The following CBLN2 variants were observed in gnomAD, a reference collection of about 807,000 sequenced individuals.
CBLN2 encodes the protein cerebellin 2 precursor.
CBLN2 carries 7 observed loss-of-function variants against 15.0 expected under a neutral mutation model. The ratio of observed to expected loss-of-function variants is 0.47; its 90% CI spans 0.27 to 0.88. The LOEUF (loss-of-function observed/expected upper bound fraction) is 0.88. Among genes scored for constraint, CBLN2 ranks in the 40% least tolerant of loss-of-function variants. The pLI is 0.14. For missense variants in CBLN2, 242 were observed against 304.5 expected, an observed-to-expected ratio of 0.79 and a Z score of 1.53; for synonymous variants, 149 against 135.2, an observed-to-expected ratio of 1.10 and a Z score of -0.71.
intron 1 of CBLN2, among the ~76,000 whole-genome samples, chr18:72,633,401 A>G (rs1012755257): frequency 6.6e-6 from 1 of 152,150 alleles, no homozygotes; most frequent in Non-Finnish European, 1.5e-5. Context: ...ACACGGCTAC[A>G]TTTGTTACTT....
chr18:72,621,405 A>G (rs1444537135), intron 1 of CBLN2, among the ~76,000 whole-genome samples: 1 of 152,198 alleles, frequency 6.6e-6, no homozygotes, highest in Non-Finnish European at 1.5e-5. Flanking sequence ...AGATTAGTAT[A>G]TGTAATATCT....
At chr18:72,624,801 A>G (rs2069724133) in intron 1 of CBLN2, among the ~76,000 whole-genome samples, 1 of 152,178 alleles carries the variant, frequency 6.6e-6, no homozygotes, top group African/African-American at 2.4e-5. Flanking sequence ...TTAGTGCTCA[A>G]TGCACCTTGC....
At chr18:72,601,179 C>A (rs1284046185) in intron 1 of CBLN2, among the ~76,000 whole-genome samples, 1 of 152,132 alleles carries the variant, frequency 6.6e-6, no homozygotes, top group Admixed American at 6.5e-5. Context: ...CTATTATCAT[C>A]CTTGCTTTAA....
chr18:72,607,822 G>A (rs573941292), intron 1 of CBLN2, among the ~76,000 whole-genome samples: 55 of 151,884 alleles, frequency 3.6e-4, no homozygotes, highest in African/African-American at 1.3e-3. Context: ...CCTAATCAGC[G>A]ATCCATTCCC....
At chr18:72,600,954 G>A (rs936724330) in intron 1 of CBLN2, among the ~76,000 whole-genome samples, 1 of 152,142 alleles carries the variant, frequency 6.6e-6, no homozygotes, top group African/African-American at 2.4e-5. Flanking sequence ...ATTCAAGTCT[G>A]AAAAGGCATC....
intron 1 of CBLN2, among the ~76,000 whole-genome samples, chr18:72,576,629 A>C (rs980742965): frequency 6.6e-6 from 1 of 152,138 alleles, no homozygotes; most frequent in Non-Finnish European, 1.5e-5. Flanking sequence ...AAACAATACC[A>C]GTCAGTTCAG....
At position 72,584,705 on chromosome 18, in the gene CBLN2, T is replaced by C. The variant is rs565678669; in HGVS notation, c.16-45933A>G. On this transcript the variant is annotated intron_variant, in intron 1 of 2. Coordinates refer to the CBLN2 transcript ENST00000581073. ...GTTACATTGCCAGTAGAAAAAAGAC[T>C]GCTTGGGACATAATAGGTACACAAT... 2.6e-5 allele frequency among the ~76,000 whole-genome samples: 4 copies of C among 152,314 alleles called. No homozygotes were observed. In the East Asian group the frequency reaches 7.7e-4, roughly 29 times the overall value.
chr18:72,550,978 G>T (rs551080188), intron 1 of CBLN2, among the ~76,000 whole-genome samples: 1 of 151,976 alleles, frequency 6.6e-6, no homozygotes, highest in Admixed American at 6.6e-5. Context: ...CCTGTATGCC[G>T]ATGGGTAATG....
intron 1 of CBLN2, among the ~76,000 whole-genome samples, chr18:72,605,241 G>A (rs1357045576): frequency 6.6e-6 from 1 of 152,078 alleles, no homozygotes; most frequent in East Asian, 1.9e-4. Context: ...AGTAACATTT[G>A]AACACGCTGT....
chr18:72,602,309 T>C (rs1471937251), intron 1 of CBLN2, among the ~76,000 whole-genome samples: 6 of 152,246 alleles, frequency 3.9e-5, no homozygotes, highest in Non-Finnish European at 7.3e-5. Flanking sequence ...TGCCGGCGGC[T>C]GTGCTCTGGG....
exon 1 of CBLN2, chr18:72,638,415 C>T (rs1251569208): frequency 5.0e-6 from 2 of 398,170 alleles, no homozygotes; most frequent in Middle Eastern, 6.2e-4. Context: ...ATTCATTTCT[C>T]TTTTATATCT....
intron 1 of CBLN2, among the ~76,000 whole-genome samples, chr18:72,595,941 C>A (rs1037741226): frequency 6.6e-6 from 1 of 151,876 alleles, no homozygotes; most frequent in South Asian, 2.1e-4. Flanking sequence ...TCCTTGTAGG[C>A]GACAGATTGT....
At position 72,542,212 on chromosome 18, in the gene CBLN2, C is replaced by A. The variant is rs566484129; in HGVS notation, c.-52G>T. 89 of 1,153,330 alleles carry A rather than the reference C, an allele frequency of 7.7e-5. No individual in the cohort carries two copies. In the South Asian group the frequency reaches 2.5e-3, roughly 32 times the overall value. 71.4% of individuals were successfully genotyped at this position (1,153,330 alleles called of 1,614,324 possible). A position where few individuals can be genotyped will look rare whatever the true frequency, so the allele number is the denominator to read the frequency against. ...GGGTGGAGGCCGGCGCCGGCGCGAG[C>A]GGCGCGGAAGGGCGCGAAGGAACGC... On this transcript the variant is annotated 5_prime_UTR_variant, in exon 3 of 5. Coordinates refer to ENST00000269503, the MANE Select transcript of CBLN2 (RefSeq NM_182511.4).
chr18:72,560,373 G>C (rs904270461), intron 1 of CBLN2, among the ~76,000 whole-genome samples: 1 of 152,222 alleles, frequency 6.6e-6, no homozygotes, highest in East Asian at 1.9e-4. Context: ...AAGTGGAAAA[G>C]TGAACAGCTT....
At chr18:72,568,264 T>C (rs1476701410) in intron 1 of CBLN2, among the ~76,000 whole-genome samples, 1 of 152,154 alleles carries the variant, frequency 6.6e-6, no homozygotes, top group Non-Finnish European at 1.5e-5. Context: ...CAAACTTTGG[T>C]CTCAGGATCC....
intron 1 of CBLN2, among the ~76,000 whole-genome samples, chr18:72,553,490 A>AGATT (rs1194600089): frequency 6.6e-6 from 1 of 152,144 alleles, no homozygotes; most frequent in Non-Finnish European, 1.5e-5. Flanking sequence ...ATAGATAGAT[A>AGATT]GATAGATAGA....
chr18:72,575,388 A>G (rs2069359050), intron 1 of CBLN2, among the ~76,000 whole-genome samples: 1 of 152,134 alleles, frequency 6.6e-6, no homozygotes, highest in Non-Finnish European at 1.5e-5. Flanking sequence ...ATGAGTCAGG[A>G]GCTAAAACCA....
intron 1 of CBLN2, among the ~76,000 whole-genome samples, chr18:72,572,511 T>C (rs1204273150): frequency 6.6e-6 from 1 of 152,178 alleles, no homozygotes. Context: ...CATTTATCTC[T>C]CCTGTTTCTG....
intron 1 of CBLN2, among the ~76,000 whole-genome samples, chr18:72,613,383 C>T (rs544765058): frequency 1.9e-4 from 29 of 152,280 alleles, no homozygotes; most frequent in Non-Finnish European, 2.9e-5. Context: ...AAGTGTGCCA[C>T]TTACTCTGTC....
Sources: allele counts gnomAD v4.1 joint callset (sites outside exome capture counted in the v4.1 genomes callset), GRCh38; gene constraint gnomAD v4.1.1; transcripts MANE v1.5; gene names NCBI Gene and HGNC (gene_info 2026-07-23, HGNC 2026-07-21).